SMYD3: variants seen among roughly 807,000 people sequenced by gnomAD.
The protein encoded by SMYD3 is histone-lysine N-methyltransferase SMYD3.
SMYD3 carries 36 observed loss-of-function variants against 57.7 expected under a neutral mutation model. The ratio of observed to expected loss-of-function variants is 0.62; its 90% CI spans 0.48 to 0.82. The LOEUF (loss-of-function observed/expected upper bound fraction) is 0.82. Ranked by LOEUF, SMYD3 falls within the 40% of genes least tolerant of loss-of-function variation. The pLI is 0.00. For synonymous variants in SMYD3, 211 were observed against 195.0 expected (o/e 1.08, Z -0.68); for missense variants, 515 against 538.8 (o/e 0.96, Z 0.44).
intron 5 of SMYD3, among the ~76,000 whole-genome samples, chr1:246,091,910 A>C (rs913481914): frequency 2.6e-5 from 4 of 152,354 alleles, no homozygotes; most frequent in Admixed American, 1.3e-4. Flanking sequence ...AACAGACAAG[A>C]AAATAGGTGT....
chr1:245,762,559 G>A (rs543030093), intron 11 of SMYD3, among the ~76,000 whole-genome samples: 108 of 152,220 alleles, frequency 7.1e-4, no homozygotes, highest in Admixed American at 2.3e-3. Context: ...CAGACGGTGC[G>A]GTGTTCTTCC....
At chr1:246,378,640 C>CATATATAT (rs10673680) in intron 1 of SMYD3, among the ~76,000 whole-genome samples, 32 of 119,578 alleles carry the variant, frequency 2.7e-4, no homozygotes, top group African/African-American at 1.0e-3. Context: ...ATCTCCCCTT[C>CATATATAT]ATATATATAT....
At chr1:245,865,420 G>C (rs996609833) in intron 8 of SMYD3, among the ~76,000 whole-genome samples, 7 of 152,204 alleles carry the variant, frequency 4.6e-5, no homozygotes, top group Non-Finnish European at 1.0e-4. Flanking sequence ...CCCCAGGTCA[G>C]AGGGTGTCTA....
chr1:246,465,463 A>G (rs1235209509), intron 1 of SMYD3, among the ~76,000 whole-genome samples: 2 of 152,248 alleles, frequency 1.3e-5, no homozygotes, highest in African/African-American at 4.8e-5. Flanking sequence ...TAACTCCTCG[A>G]TGATGCAGGG....
intron 5 of SMYD3, among the ~76,000 whole-genome samples, chr1:246,238,523 T>C (rs913489901): frequency 6.6e-6 from 1 of 152,214 alleles, no homozygotes; most frequent in African/African-American, 2.4e-5. Context: ...ATATATCTAT[T>C]ACTCACTGTA....
intron 5 of SMYD3, among the ~76,000 whole-genome samples, chr1:246,140,748 G>A (rs2061740498): frequency 1.3e-5 from 2 of 152,048 alleles, no homozygotes; most frequent in Admixed American, 6.6e-5. Context: ...AAGTAGTAGG[G>A]ACTATAAGCA....
chr1:246,186,988 G>C, intron 5 of SMYD3: 1 of 936,226 alleles, frequency 1.1e-6, no homozygotes, highest in Non-Finnish European at 1.3e-6. Context: ...AGAAGAAATG[G>C]TCTGCTACAC....
chr1:246,060,414 A>G (rs1269693693), intron 5 of SMYD3, among the ~76,000 whole-genome samples: 3 of 152,188 alleles, frequency 2.0e-5, no homozygotes, highest in Admixed American at 6.5e-5. Flanking sequence ...AGAACATTTC[A>G]TAAGGTTTTA....
chr1:246,378,479 A>G (rs1459846054), intron 1 of SMYD3, among the ~76,000 whole-genome samples: 1 of 151,418 alleles, frequency 6.6e-6, no homozygotes, highest in African/African-American at 2.4e-5. Context: ...CTAGTCTCCC[A>G]GCCTACATCT....
chr1:246,364,016 G>T (rs2148719799), intron 1 of SMYD3, among the ~76,000 whole-genome samples: 1 of 152,296 alleles, frequency 6.6e-6, no homozygotes, highest in South Asian at 2.1e-4. Context: ...CTGAGAAAAA[G>T]AACCTGGAAG....
At chr1:245,968,584 G>C (rs1335161286) in intron 5 of SMYD3, among the ~76,000 whole-genome samples, 1 of 152,190 alleles carries the variant, frequency 6.6e-6, no homozygotes, top group Non-Finnish European at 1.5e-5. Flanking sequence ...GTGAGGTAAA[G>C]AAAAGGCAAG....
chr1:246,146,075 C>T lies in SMYD3; in HGVS notation c.531+181126G>A, dbSNP rs112437608. Among the ~76,000 whole-genome samples, 87 of 152,188 alleles carry T rather than the reference C, an allele frequency of 5.7e-4. 1 individual carries two copies. The highest frequency in any genetic ancestry group is 2.0e-3 in the African/African-American group (83 of 41,508). On this transcript the variant is annotated intron_variant, in intron 5 of 11. Transcript: ENST00000490107. Reference sequence around the variant, plus strand: ...AAGTGCCAATTGTTGAGGATATAATCGCAAGAAGGTAGAGGGTATCCCTGC... The same window carrying T: ...AAGTGCCAATTGTTGAGGATATAATTGCAAGAAGGTAGAGGGTATCCCTGC...
chr1:246,065,375 A>G (rs2060323227), intron 5 of SMYD3, among the ~76,000 whole-genome samples: 1 of 152,196 alleles, frequency 6.6e-6, no homozygotes, highest in Admixed American at 6.5e-5. Context: ...ACTGGGTAAA[A>G]TGAGTTGTTT....
At chr1:245,818,836 A>G (rs924948919) in intron 10 of SMYD3, among the ~76,000 whole-genome samples, 1 of 151,090 alleles carries the variant, frequency 6.6e-6, no homozygotes, top group Non-Finnish European at 1.5e-5. Context: ...TTCAACAAGA[A>G]GAGCTAACTA....
chr1:246,253,259 A>C (rs747015635), intron 5 of SMYD3, among the ~76,000 whole-genome samples: 1 of 151,996 alleles, frequency 6.6e-6, no homozygotes, highest in Admixed American at 6.6e-5. Context: ...TAGGTTTTCA[A>C]CCCTTGCTCC....
At chr1:245,947,369 AGAAAAG>A in intron 5 of SMYD3, 1 of 457,168 alleles carries the variant, frequency 2.2e-6, no homozygotes, top group South Asian at 1.5e-5. Context: ...GAGACAGAAT[AGAAAAG>A]TAAGCTTCCT....
chr1:245,798,679 C>G (rs975970371), intron 10 of SMYD3, among the ~76,000 whole-genome samples: 7 of 152,050 alleles, frequency 4.6e-5, no homozygotes, highest in Admixed American at 1.3e-4. Flanking sequence ...GGGCAGCTAC[C>G]CCTCCGCTAC....
At chr1:245,861,948 C>A (rs1300257663) in intron 9 of SMYD3, among the ~76,000 whole-genome samples, 1 of 152,158 alleles carries the variant, frequency 6.6e-6, no homozygotes, top group African/African-American at 2.4e-5. Context: ...TTCAGTAAAA[C>A]CTTGTCCAGT....
At chr1:246,327,139 C>T (rs1254721629) in intron 5 of SMYD3, 62 bp downstream of exon 5, 13 of 1,602,434 alleles carry the variant, frequency 8.1e-6, no homozygotes, top group Middle Eastern at 1.6e-4. Flanking sequence ...TTGTAACTAA[C>T]AACAAAATAA....
Sources: gnomAD v4.1 joint callset for allele counts (sites outside exome capture counted in the v4.1 genomes callset) on GRCh38, gnomAD v4.1.1 for gene constraint, MANE v1.5 for transcripts, NCBI Gene and HGNC (gene_info 2026-07-23, HGNC 2026-07-21) for gene names.